The following MEGF10 variants were observed in gnomAD, a reference collection of about 807,000 sequenced individuals.
The protein encoded by MEGF10 is multiple EGF like domains 10.
Under a neutral mutation model 147.5 loss-of-function variants are expected in MEGF10, and 86 were observed. The observed-to-expected ratio is 0.58, with a 90% CI of 0.49 to 0.70. MEGF10 has a LOEUF of 0.70. Among genes scored for constraint, MEGF10 ranks in the 30% least tolerant of loss-of-function variants. The pLI is 0.00. For synonymous variants in MEGF10, 478 were observed against 525.5 expected (o/e 0.91, Z 1.24); for missense variants, 1,329 against 1,487.3 (o/e 0.89, Z 1.75).
intron 1 of MEGF10, among the ~76,000 whole-genome samples, chr5:127,313,481 C>T (rs1158743908): frequency 2.6e-5 from 4 of 152,132 alleles, no homozygotes; most frequent in Admixed American, 2.0e-4. Context: ...CCTACTCATC[C>T]GATTAGCCTA....
At position 127,440,774 on chromosome 5, in the gene MEGF10, C is replaced by T. The variant is rs770668907; in HGVS notation, c.2269C>T (p.Leu757=). 6.2e-7 allele frequency: 1 copy of T among 1,614,134 alleles called. No individual in the cohort carries two copies. The highest frequency in any genetic ancestry group is 8.5e-7 in the Non-Finnish European group (1 of 1,180,002). The change falls in exon 18 of 25, where the codon CTG becomes TTG. Residue 757 remains leucine, a synonymous_variant. Coordinates refer to ENST00000503335, the MANE Select transcript of MEGF10 (RefSeq NM_001256545.2). ...AGGGTTTTATGGAAAAGATTGTGCA[C>T]TGATATGCCAATGTCAAAACGGAGC... ...PLGFYGKDCA[L]ICQCQNGADC...
intron 1 of MEGF10, among the ~76,000 whole-genome samples, chr5:127,303,190 G>A (rs1759849051): frequency 6.6e-6 from 1 of 152,056 alleles, no homozygotes; most frequent in Non-Finnish European, 1.5e-5. Context: ...TCAAAAATTA[G>A]CTGGGCATGG....
At chr5:127,296,558 A>G (rs75589193) in intron 1 of MEGF10, among the ~76,000 whole-genome samples, 296 of 152,322 alleles carry the variant, frequency 1.9e-3, no homozygotes, top group African/African-American at 6.9e-3. Flanking sequence ...CTAGAGGATG[A>G]CTAAGTGCCT....
intron 5 of MEGF10, among the ~76,000 whole-genome samples, chr5:127,372,417 A>G (rs182831686): frequency 3.2e-4 from 48 of 152,348 alleles, no homozygotes; most frequent in Non-Finnish European, 1.6e-4. Flanking sequence ...AATTACTATT[A>G]GTTTGTCAAA....
At chr5:127,305,372 G>A (rs865886336) in intron 1 of MEGF10, among the ~76,000 whole-genome samples, 6 of 152,196 alleles carry the variant, frequency 3.9e-5, no homozygotes, top group Non-Finnish European at 8.8e-5. Context: ...GGGGGTGAAA[G>A]TGTGAGGGGA....
chr5:127,298,247 ACTC>A (rs1255207434), intron 1 of MEGF10, among the ~76,000 whole-genome samples: 1 of 151,762 alleles, frequency 6.6e-6, no homozygotes, highest in African/African-American at 2.4e-5. Context: ...CTGTCCCTGC[ACTC>A]CTCCTCTCTT....
chr5:127,443,216 A>G (rs2127020342), intron 19 of MEGF10, 90 bp downstream of exon 19: 1 of 1,343,774 alleles, frequency 7.4e-7, no homozygotes, highest in South Asian at 1.8e-5. Context: ...TATGTTATCC[A>G]GCAGAATCTT....
chr5:127,279,395 T>C, the MEGF10 span, among the ~76,000 whole-genome samples: 3 of 152,056 alleles, frequency 2.0e-5, no homozygotes, highest in Admixed American at 1.3e-4. Context: ...TGAGGTAGGA[T>C]GGAGAACATG....
chr5:127,287,737 T>C (rs1220964871), upstream of MEGF10, among the ~76,000 whole-genome samples: 3 of 151,858 alleles, frequency 2.0e-5, no homozygotes, highest in Non-Finnish European at 4.4e-5. Context: ...GAAATTTACA[T>C]GGAAGATGAA....
At chr5:127,269,257 AAAG>A in the MEGF10 span, among the ~76,000 whole-genome samples, 4 of 152,262 alleles carry the variant, frequency 2.6e-5, no homozygotes, top group South Asian at 2.1e-4. Context: ...TGACGAGTTG[AAAG>A]AAGAAGGCTT....
At chr5:127,247,151 T>C in the MEGF10 span, among the ~76,000 whole-genome samples, 1 of 144,264 alleles carries the variant, frequency 6.9e-6, no homozygotes, top group Non-Finnish European at 1.5e-5. Context: ...GTTCTTAACA[T>C]TGATGGAGAA....
chr5:127,345,810 A>G (rs1761864841), intron 4 of MEGF10, among the ~76,000 whole-genome samples: 1 of 152,164 alleles, frequency 6.6e-6, no homozygotes, highest in South Asian at 2.1e-4. Context: ...AGTAATGTAC[A>G]CTGTACCCAA....
At chr5:127,403,986 G>A (rs574404706) in intron 8 of MEGF10, among the ~76,000 whole-genome samples, 1 of 152,212 alleles carries the variant, frequency 6.6e-6, no homozygotes, top group Admixed American at 6.5e-5. Flanking sequence ...TCATAAGGTA[G>A]CTCAATTTTT....
the MEGF10 span, among the ~76,000 whole-genome samples, chr5:127,247,390 AAGAAGAAGAAGAAGAAG>A: frequency 3.0e-5 from 1 of 33,150 alleles, no homozygotes; most frequent in East Asian, 6.4e-4. Context: ...GAAGAAGAAG[AAGAAGAAGAAGAAGAAG>A]AAGAAGAAGA....
intron 13 of MEGF10, among the ~76,000 whole-genome samples, chr5:127,427,463 G>A (rs184301412): frequency 6.6e-6 from 1 of 152,052 alleles, no homozygotes; most frequent in African/African-American, 2.4e-5. Flanking sequence ...TAAGGGGAGG[G>A]GTAGGAGAAT....
intron 1 of MEGF10, among the ~76,000 whole-genome samples, chr5:127,314,472 A>C (rs1453351789): frequency 6.6e-6 from 1 of 152,206 alleles, no homozygotes; most frequent in Non-Finnish European, 1.5e-5. Flanking sequence ...CAGATGAAGG[A>C]TGTGGAGAGT....
intron 1 of MEGF10, among the ~76,000 whole-genome samples, chr5:127,319,023 ACCTCCCTC>A (rs953783985): frequency 1.5e-5 from 2 of 137,884 alleles, no homozygotes; most frequent in African/African-American, 2.7e-5. Flanking sequence ...CTCTTTCATT[ACCTCCCTC>A]CCTCCCTCCC....
the MEGF10 span, among the ~76,000 whole-genome samples, chr5:127,238,411 A>T: frequency 6.6e-6 from 1 of 152,120 alleles, no homozygotes; most frequent in Non-Finnish European, 1.5e-5. Context: ...TAGTCAACAC[A>T]TGGAGGTTAG....
At chr5:127,330,173 C>T (rs1178893270) in intron 1 of MEGF10, among the ~76,000 whole-genome samples, 1 of 152,182 alleles carries the variant, frequency 6.6e-6, no homozygotes, top group Non-Finnish European at 1.5e-5. Context: ...TCCTAAAAAT[C>T]TCCCAGAGCC....
Sources: allele counts gnomAD v4.1 joint callset (sites outside exome capture counted in the v4.1 genomes callset), GRCh38; gene constraint gnomAD v4.1.1; transcripts MANE v1.5; gene names NCBI Gene and HGNC (gene_info 2026-07-23, HGNC 2026-07-21).